Variants in SH3GL2 observed in about 807,000 individuals in gnomAD.
SH3GL2 encodes endophilin-A1.
In SH3GL2, 24 loss-of-function variants were observed where a neutral mutation model predicts 46.0. The ratio of observed to expected loss-of-function variants is 0.52; its 90% CI spans 0.38 to 0.73. The LOEUF is 0.73. Ranked by LOEUF, SH3GL2 falls within the 30% of genes least tolerant of loss-of-function variation. SH3GL2 has a pLI of 0.00. For synonymous variants in SH3GL2, 196 were observed against 147.1 expected (o/e 1.33, Z -2.40); for missense variants, 413 against 424.2 (o/e 0.97, Z 0.23).
chr9:17,658,612 A>G (rs1043189932), intron 1 of SH3GL2, among the ~76,000 whole-genome samples: 1 of 152,272 alleles, frequency 6.6e-6, no homozygotes, highest in Non-Finnish European at 1.5e-5. Context: ...AGCAATTTTA[A>G]ACTTAAACTA....
chr9:17,615,632 G>A (rs975794601), intron 1 of SH3GL2, among the ~76,000 whole-genome samples: 5 of 137,222 alleles, frequency 3.6e-5, no homozygotes, highest in African/African-American at 1.4e-4. Flanking sequence ...TCCAGCCCGG[G>A]TGACCGACAG....
intron 1 of SH3GL2, among the ~76,000 whole-genome samples, chr9:17,632,824 A>G (rs1047665948): frequency 6.6e-6 from 1 of 152,188 alleles, no homozygotes; most frequent in African/African-American, 2.4e-5. Context: ...GCTTCCCTGA[A>G]AAAGATTCTG....
At chr9:17,699,178 C>G (rs905244512) in intron 1 of SH3GL2, among the ~76,000 whole-genome samples, 2 of 128,494 alleles carry the variant, frequency 1.6e-5, no homozygotes, top group South Asian at 2.6e-4. Context: ...AAAAAAAAAT[C>G]AAATACAGAA....
intron 3 of SH3GL2, among the ~76,000 whole-genome samples, chr9:17,773,815 A>G (rs1823564095): frequency 6.6e-6 from 1 of 151,982 alleles, no homozygotes; most frequent in African/African-American, 2.4e-5. Context: ...TTAGGGTGGG[A>G]TTTCCATTTC....
chr9:17,772,193 C>T (rs972289505), intron 3 of SH3GL2, among the ~76,000 whole-genome samples: 4 of 152,108 alleles, frequency 2.6e-5, no homozygotes, highest in African/African-American at 9.7e-5. Context: ...CTATTTATTA[C>T]ATAAATTTTG....
At chr9:17,737,535 C>T (rs1822376739) in intron 1 of SH3GL2, among the ~76,000 whole-genome samples, 1 of 152,010 alleles carries the variant, frequency 6.6e-6, no homozygotes, top group African/African-American at 2.4e-5. Context: ...AGCTATCAGG[C>T]TCTGTAATAC....
intron 1 of SH3GL2, among the ~76,000 whole-genome samples, chr9:17,597,102 T>A (rs1366308710): frequency 6.6e-6 from 1 of 152,258 alleles, no homozygotes. Flanking sequence ...GAGAAACAGT[T>A]GAGACTGCTT....
At chr9:17,689,589 G>A (rs1821019067) in intron 1 of SH3GL2, among the ~76,000 whole-genome samples, 1 of 152,074 alleles carries the variant, frequency 6.6e-6, no homozygotes, top group Middle Eastern at 3.4e-3. Flanking sequence ...TTAATTGCAT[G>A]TCTTAGCCCC....
chr9:17,601,943 G>A (rs1020395193), intron 1 of SH3GL2, among the ~76,000 whole-genome samples: 3 of 152,156 alleles, frequency 2.0e-5, no homozygotes, highest in Non-Finnish European at 4.4e-5. Flanking sequence ...GTCATGGATT[G>A]TACTTTGGGG....
rs138432199 is a variant in SH3GL2, at chr9:17,591,856, G to T, written c.45+12569G>T. 6.1e-3 allele frequency among the ~76,000 whole-genome samples: 932 copies of T among 152,292 alleles called. 3 individuals are homozygous for T. Among genetic ancestry groups the T allele is most frequent in the Middle Eastern group, 0.027 (8 of 294 alleles). On this transcript the variant is annotated intron_variant, in intron 1 of 8. Transcript: ENST00000380607. ...CATTTTCTGTAGGCGCTTTCCACAT[G>T]ATTATGGTAGAATAATTTGATTGTT...
chr9:17,683,937 A>G (rs918905550), intron 1 of SH3GL2, among the ~76,000 whole-genome samples: 2 of 152,088 alleles, frequency 1.3e-5, no homozygotes, highest in African/African-American at 4.8e-5. Flanking sequence ...TCAACTCCCC[A>G]CACTTAAGAT....
At position 17,676,501 on chromosome 9, in the gene SH3GL2, G is replaced by C. The variant is rs1413488939; in HGVS notation, c.46-70565G>C. ...GGCACCTGTAATCCCAGCTACTCTG[G>C]AGGCTGAGGCAGGAGAATCACTTGA... is the stretch of plus-strand genomic sequence containing the variant. On this transcript the variant is annotated intron_variant, in intron 1 of 8. Coordinates refer to ENST00000380607, the MANE Select transcript of SH3GL2 (RefSeq NM_003026.5). Among the ~76,000 whole-genome samples the C allele has an allele frequency of 3.3e-5, 5 of 152,246 alleles. No individual in the cohort carries two copies. The East Asian group carries it at 7.7e-4, about 24-fold the overall frequency.
chr9:17,743,228 T>C (rs1563835734), intron 1 of SH3GL2, among the ~76,000 whole-genome samples: 1 of 152,202 alleles, frequency 6.6e-6, no homozygotes, highest in South Asian at 2.1e-4. Context: ...AGTTGTTACA[T>C]AGTCTGCTGT....
intron 1 of SH3GL2, among the ~76,000 whole-genome samples, chr9:17,690,276 A>G (rs1272684194): frequency 2.0e-5 from 3 of 152,122 alleles, no homozygotes; most frequent in Non-Finnish European, 2.9e-5. Context: ...CTTTTACTGC[A>G]TTCAGCATTC....
intron 1 of SH3GL2, among the ~76,000 whole-genome samples, chr9:17,613,791 G>T (rs759525384): frequency 2.0e-5 from 3 of 152,150 alleles, no homozygotes; most frequent in Non-Finnish European, 2.9e-5. Flanking sequence ...CTTTGACTAT[G>T]GCACACGGAC....
chr9:17,675,755 G>T (rs1239194409), intron 1 of SH3GL2, among the ~76,000 whole-genome samples: 1 of 152,140 alleles, frequency 6.6e-6, no homozygotes, highest in African/African-American at 2.4e-5. Context: ...GACCATCCTG[G>T]CTCACATGGT....
rs1171724474 is a variant in SH3GL2, at chr9:17,754,651, C to CGGCA, written c.115-6784_115-6781dup. The stretch of plus-strand genomic sequence containing the variant: ...TCACGCCACTGTACTCCAGCCTGGG[C>CGGCA]GGCAGAGTGAGACTCTGTCTCAAAA... On this transcript the variant is annotated intron_variant, in intron 2 of 8. Transcript: ENST00000380607. Among the ~76,000 whole-genome samples the CGGCA allele has an allele frequency of 3.3e-5, 5 of 152,176 alleles. 1 individual carries two copies. The highest frequency in any genetic ancestry group is 1.2e-4 in the African/African-American group (5 of 41,506).
chr9:17,618,350 G>A (rs1158024619), intron 1 of SH3GL2, among the ~76,000 whole-genome samples: 1 of 152,202 alleles, frequency 6.6e-6, no homozygotes, highest in Non-Finnish European at 1.5e-5. Context: ...GATTCTACCA[G>A]GGTTGGAGAG....
At chr9:17,594,654 A>T (rs971838005) in intron 1 of SH3GL2, among the ~76,000 whole-genome samples, 4 of 151,232 alleles carry the variant, frequency 2.6e-5, no homozygotes, top group Admixed American at 6.6e-5. Context: ...AATAAAAATT[A>T]AAAAAATAAT....
Sources: gnomAD v4.1 joint callset for allele counts (sites outside exome capture counted in the v4.1 genomes callset) on GRCh38, gnomAD v4.1.1 for gene constraint, MANE v1.5 for transcripts, NCBI Gene and HGNC (gene_info 2026-07-23, HGNC 2026-07-21) for gene names.